TBC1D24: variants seen among roughly 807,000 people sequenced by gnomAD.
TBC1D24 encodes TBC1 domain family member 24.
Under a neutral mutation model 50.7 loss-of-function variants are expected in TBC1D24, and 47 were observed. The observed-to-expected ratio is 0.93, with a 90% CI of 0.73 to 1.18. The LOEUF (loss-of-function observed/expected upper bound fraction) is 1.18, where lower values mean the gene tolerates loss of function less well. Ranked by LOEUF, TBC1D24 falls within the 50% of genes most tolerant of loss-of-function variation. The pLI is 0.00. For missense variants in TBC1D24, 688 were observed against 766.5 expected (o/e 0.90, Z 1.21); for synonymous variants, 324 against 335.2 (o/e 0.97, Z 0.36).
intron 1 of TBC1D24, chr16:2,480,101 A>T (rs974301099): frequency 6.6e-6 from 1 of 151,430 alleles, no homozygotes; most frequent in Non-Finnish European, 1.5e-5. Flanking sequence ...AAGTGCTGAG[A>T]TTACAGGTGT....
chr16:2,498,113 C>A, intron 3 of TBC1D24, 125 bp from the exon 4 acceptor site: 1 of 1,304,958 alleles, frequency 7.7e-7, no homozygotes, highest in Non-Finnish European at 1.1e-6. Flanking sequence ...TAAACCGGGG[C>A]CGGGGCAAGC....
chr16:2,475,277 G>A lies in TBC1D24; in HGVS notation c.-116+107G>A, dbSNP rs2065556637. 2 of 150,256 alleles carry A rather than the reference G, an allele frequency of 1.3e-5. No homozygotes were observed. The highest frequency in any genetic ancestry group is 1.3e-4 in the Admixed American group (2 of 15,088). 9.3% of individuals were successfully genotyped at this position (150,256 alleles called of 1,614,324 possible). A position where few individuals can be genotyped will look rare whatever the true frequency, so the allele number is the denominator to read the frequency against. On this transcript the variant is annotated intron_variant, in intron 1 of 7. Coordinates refer to ENST00000646147, the MANE Select transcript of TBC1D24 (RefSeq NM_001199107.2). The surrounding 1 kb of genome is among the most constrained non-coding windows in gnomAD (Gnocchi z 4.2). ...CGCGTGCTGGGGGCGGGAGCGTGGGGGCCGGGCTGCGGGCCCCATTCGAGG... is the reference window on the plus strand; with the variant it reads ...CGCGTGCTGGGGGCGGGAGCGTGGGAGCCGGGCTGCGGGCCCCATTCGAGG...
Position 2,499,960 on chromosome 16 carries a change from C to T in TBC1D24, c.1302+30C>T, listed in dbSNP as rs375379019. The T allele has an allele frequency of 1.3e-6, 2 of 1,596,808 alleles. No homozygotes were observed. Among genetic ancestry groups the T allele is most frequent in the Admixed American group, 1.7e-5 (1 of 59,986 alleles). On this transcript the variant is annotated intron_variant, in intron 6 of 7. Coordinates refer to ENST00000646147, the MANE Select transcript of TBC1D24 (RefSeq NM_001199107.2). This position sits in a 1 kb window ranked among gnomAD's most constrained non-coding sequence, Gnocchi z 4.0. The stretch of plus-strand genomic sequence containing the variant: ...GTGGGGCCAAGTGTCCCCAAACCCC[C>T]ACGCAGACCCTGTAGCTGCATCCCT...
rs2065646077 is a variant in TBC1D24, at chr16:2,485,940, G to A, written c.-115-10094G>A. Reference sequence around the variant, plus strand: ...GGCCCGCTGCTGCCTGTGCCCCAGGGTTTCCGGGCACTCCGAGCTTCCCTG... The same window carrying A: ...GGCCCGCTGCTGCCTGTGCCCCAGGATTTCCGGGCACTCCGAGCTTCCCTG... On this transcript the variant is annotated intron_variant, in intron 1 of 7. Coordinates refer to ENST00000646147, the MANE Select transcript of TBC1D24 (RefSeq NM_001199107.2). The surrounding 1 kb of genome is among the most constrained non-coding windows in gnomAD (Gnocchi z 4.6). 6.6e-6 allele frequency among the ~76,000 whole-genome samples: 1 copy of A among 152,164 alleles called. No homozygotes were observed. Among genetic ancestry groups the A allele is most frequent in the South Asian group, 2.1e-4 (1 of 4,838 alleles).
At position 2,500,877 on chromosome 16, in the gene TBC1D24, C is replaced by T. The variant is rs750478461; in HGVS notation, c.1599C>T (p.Phe533=). ...GCCGCACAAGCCACTGCGACACCTT[C>T]AACAACCAGCCCCTCTGCTCCGAGA... The part of the protein sequence containing the change: ...NRGRTSHCDT[F]NNQPLCSENF... Residue 533 remains phenylalanine (F), a synonymous_variant, in exon 8 of 8, where the codon TTC becomes TTT. Coordinates refer to ENST00000646147, the MANE Select transcript of TBC1D24 (RefSeq NM_001199107.2). This position sits in a 1 kb window ranked among gnomAD's most constrained non-coding sequence, Gnocchi z 8.0. 5 of 1,613,072 alleles carry T rather than the reference C, an allele frequency of 3.1e-6. No homozygotes were observed. The highest frequency in any genetic ancestry group is 4.2e-6 in the Non-Finnish European group (5 of 1,179,964).
In TBC1D24 at chr16:2,496,345, C is replaced by G. The variant is rs371245371; in HGVS notation, c.197C>G (p.Thr66Arg). 1.2e-6 allele frequency: 2 copies of G among 1,613,446 alleles called. No homozygotes were observed. Among genetic ancestry groups the G allele is most frequent in the African/African-American group, 2.7e-5 (2 of 74,946 alleles). The change falls in exon 2 of 8, where the codon ACG (threonine) becomes AGG (arginine). Residue 66 changes from threonine (T) to arginine (R), a missense_variant. Thr to Arg is a moderately conservative substitution (Grantham distance 71, BLOSUM62 -1). Coordinates refer to ENST00000646147, the MANE Select transcript of TBC1D24 (RefSeq NM_001199107.2). ...QRLIRDIPCR[T>R]VTPDASVYSD... is the part of the protein sequence containing the mutation. ...CTGATCCGGGACATTCCCTGCCGCA[C>G]GGTCACGCCTGACGCCAGCGTGTAC...
rs538052917 is a variant in TBC1D24 at position 2,487,762 on chromosome 16, G to A, written c.-115-8272G>A. ...TGGTGTTACTAGTGGCAGCCTTGCC[G>A]GGGTGGCCTGTGTCTCCAGGACTCG... On this transcript the variant is annotated intron_variant, in intron 1 of 7. Transcript: ENST00000646147. This position sits in a 1 kb window ranked among gnomAD's most constrained non-coding sequence, Gnocchi z 4.1. 2.0e-5 allele frequency among the ~76,000 whole-genome samples: 3 copies of A among 152,148 alleles called. No individual in the cohort carries two copies. Among genetic ancestry groups the A allele is most frequent in the Non-Finnish European group, 2.9e-5 (2 of 68,024 alleles).
At position 2,486,647 on chromosome 16, in the gene TBC1D24, C is replaced by T. The variant is rs1251165292; in HGVS notation, c.-115-9387C>T. On this transcript the variant is annotated intron_variant, in intron 1 of 7. Transcript: ENST00000646147. This position sits in a 1 kb window ranked among gnomAD's most constrained non-coding sequence, Gnocchi z 5.8. ...GGGGCTGCAGTTGGCCCCTTGGTGG[C>T]ATCTGGGAGTGTGTGGGAGTGCCTT... is the stretch of plus-strand genomic sequence containing the variant. Among the ~76,000 whole-genome samples the T allele has an allele frequency of 6.6e-6, 1 of 152,200 alleles. No homozygotes were observed.
Position 2,496,113 on chromosome 16 carries a change from G to T in TBC1D24, c.-36G>T, listed in dbSNP as rs754720137. Reference sequence around the variant, plus strand: ...TTTAGCCACTCTGTCCTCCCCTTCCGGCAGTCCAGGGCCTCCTCCCGAGCA... The same window carrying T: ...TTTAGCCACTCTGTCCTCCCCTTCCTGCAGTCCAGGGCCTCCTCCCGAGCA... On this transcript the variant is annotated 5_prime_UTR_variant, in exon 2 of 8. Coordinates refer to ENST00000646147, the MANE Select transcript of TBC1D24 (RefSeq NM_001199107.2). 4.3e-6 allele frequency: 7 copies of T among 1,612,588 alleles called. No individual in the cohort carries two copies. The highest frequency in any genetic ancestry group is 5.9e-6 in the Non-Finnish European group (7 of 1,179,542).
At chr16:2,494,596 G>T (rs561870448) in intron 1 of TBC1D24, among the ~76,000 whole-genome samples, 1 of 151,986 alleles carries the variant, frequency 6.6e-6, no homozygotes, top group Non-Finnish European at 1.5e-5. Context: ...TAGAGATGGG[G>T]TCTCACCATG....
intron 1 of TBC1D24, among the ~76,000 whole-genome samples, chr16:2,492,725 G>C (rs2065705616): frequency 6.6e-6 from 1 of 152,198 alleles, no homozygotes; most frequent in South Asian, 2.1e-4. Context: ...CCAGGACGAA[G>C]CAAACCAATC....
rs544743828 is a variant in TBC1D24 at position 2,485,769 on chromosome 16, C to T, written c.-115-10265C>T. ...ATTGCTTGCTGCCGGGAGAAACCCC[C>T]GCATCTTCTGGGTCGCAGATCCTGT... On this transcript the variant is annotated intron_variant, in intron 1 of 7. Coordinates refer to ENST00000646147, the MANE Select transcript of TBC1D24 (RefSeq NM_001199107.2). This position sits in a 1 kb window ranked among gnomAD's most constrained non-coding sequence, Gnocchi z 4.6. 6.6e-6 allele frequency among the ~76,000 whole-genome samples: 1 copy of T among 152,330 alleles called. No homozygotes were observed. The highest frequency in any genetic ancestry group is 2.1e-4 in the South Asian group (1 of 4,832).
At position 2,504,423 on chromosome 16, in the gene TBC1D24, T is replaced by TC. The variant is rs1025897146; in HGVS notation, c.*3465_*3466insC. 1 of 145,554 alleles carries TC rather than the reference T, an allele frequency of 6.9e-6. No homozygotes were observed. Among genetic ancestry groups the TC allele is most frequent in the East Asian group, 2.0e-4 (1 of 5,120 alleles). 9.0% of individuals were successfully genotyped at this position (145,554 alleles called of 1,614,324 possible). A position where few individuals can be genotyped will look rare whatever the true frequency, so the allele number is the denominator to read the frequency against. On this transcript the variant is annotated 3_prime_UTR_variant, in exon 8 of 8. Coordinates refer to ENST00000646147, the MANE Select transcript of TBC1D24 (RefSeq NM_001199107.2). Reference sequence around the variant, plus strand: ...CCTATTGAGATTGTCCCTTTTTTTTTTTTTTTTTTTTTTGAGACAGAGTCT... The same window carrying TC: ...CCTATTGAGATTGTCCCTTTTTTTTTCTTTTTTTTTTTTTGAGACAGAGTCT...
rs943992979 is a variant in TBC1D24, at chr16:2,487,936, C to T, written c.-115-8098C>T. ...GAGATGGAGCAGCAACAGCAGCCAG[C>T]AGCTGTGGGGTTGTGTTCCGCCCCG... On this transcript the variant is annotated intron_variant, in intron 1 of 7. Transcript: ENST00000646147. This position sits in a 1 kb window ranked among gnomAD's most constrained non-coding sequence, Gnocchi z 4.1. Among the ~76,000 whole-genome samples, 4 of 152,176 alleles carry T rather than the reference C, an allele frequency of 2.6e-5. No individual in the cohort carries two copies. Among genetic ancestry groups the T allele is most frequent in the African/African-American group, 9.6e-5 (4 of 41,452 alleles).
intron 1 of TBC1D24, chr16:2,484,508 CCT>C (rs1228792958): frequency 5.9e-5 from 9 of 152,320 alleles, no homozygotes; most frequent in Non-Finnish European, 1.2e-4. Context: ...CACCCCGGGG[CCT>C]CTCTGCTTCT....
intron 3 of TBC1D24, 79 bp downstream of exon 3, chr16:2,497,806 T>G: frequency 1.4e-6 from 2 of 1,405,662 alleles, no homozygotes; most frequent in Non-Finnish European, 9.7e-7. Context: ...TTGCTCTGGG[T>G]CTCAGGGCTG....
chr16:2,491,171 G>A (rs1052281248), intron 1 of TBC1D24, among the ~76,000 whole-genome samples: 2 of 152,204 alleles, frequency 1.3e-5, no homozygotes, highest in Non-Finnish European at 2.9e-5. Flanking sequence ...ATACCAAAAT[G>A]TGAATAGCGA....
At chr16:2,498,499 C>T in intron 4 of TBC1D24, 103 bp downstream of exon 4, 1 of 1,088,884 alleles carries the variant, frequency 9.2e-7, no homozygotes, top group Non-Finnish European at 1.3e-6. Context: ...TGGTGAGGCC[C>T]TGCTTCTTCC....
At chr16:2,495,628 A>C (rs1272115831) in intron 1 of TBC1D24, among the ~76,000 whole-genome samples, 6 of 152,202 alleles carry the variant, frequency 3.9e-5, no homozygotes, top group Non-Finnish European at 8.8e-5. Context: ...AAATACAAAA[A>C]ATTAGCCAGG....
Sources: allele counts gnomAD v4.1 joint callset (sites outside exome capture counted in the v4.1 genomes callset), GRCh38; gene constraint gnomAD v4.1.1; non-coding constraint Gnocchi (gnomAD v3.1); transcripts MANE v1.5; gene names NCBI Gene and HGNC (gene_info 2026-07-23, HGNC 2026-07-21).